PRKN: variants seen among roughly 807,000 people sequenced by gnomAD.
PRKN encodes the protein parkin RBR E3 ubiquitin protein ligase, also known as E3 ubiquitin-protein ligase parkin.
PRKN carries 56 observed loss-of-function variants against 59.5 expected under a neutral mutation model. The observed-to-expected ratio is 0.94, with a 90% confidence interval of 0.76 to 1.18. The LOEUF (loss-of-function observed/expected upper bound fraction) is 1.18, where lower values mean the gene tolerates loss of function less well. PRKN is among the 50% of genes most tolerant of loss of function. The pLI is 0.00. For missense variants in PRKN, 657 were observed against 596.4 expected, an observed-to-expected ratio of 1.10 and a Z score of -1.06; for synonymous variants, 250 against 222.1, an observed-to-expected ratio of 1.13 and a Z score of -1.12.
chr6:161,359,586 AG>A lies in PRKN; in HGVS notation c.1285+501del, dbSNP rs1391889955. On this transcript the variant is annotated intron_variant, in intron 11 of 11. Coordinates refer to ENST00000366898, the MANE Select transcript of PRKN (RefSeq NM_004562.3). The surrounding 1 kb of genome is among the most constrained non-coding windows in gnomAD (Gnocchi z 5.4). Reference sequence around the variant, plus strand: ...GAGTGGCATGTCCAGGATAGACAGCAGGAAGTCCCCCACTGGTACTGTGAGT... The same window carrying A: ...GAGTGGCATGTCCAGGATAGACAGCAGAAGTCCCCCACTGGTACTGTGAGT... Among the ~76,000 whole-genome samples, 3 of 152,260 alleles carry A rather than the reference AG, an allele frequency of 2.0e-5. No individual in the cohort carries two copies. Among genetic ancestry groups the A allele is most frequent in the African/African-American group, 7.2e-5 (3 of 41,472 alleles).
intron 5 of PRKN, among the ~76,000 whole-genome samples, chr6:161,976,101 C>T (rs1310622912): frequency 6.6e-6 from 1 of 152,046 alleles, no homozygotes; most frequent in Non-Finnish European, 1.5e-5. Flanking sequence ...GATGGGGTTT[C>T]ACCGTGTTGG....
chr6:162,149,747 G>A (rs921233725), intron 4 of PRKN, among the ~76,000 whole-genome samples: 6 of 152,192 alleles, frequency 3.9e-5, no homozygotes, highest in South Asian at 2.1e-4. Context: ...CTAGGAATGC[G>A]CAACTGTCTA....
chr6:161,668,216 G>GA lies in PRKN; in HGVS notation c.872-98801dup, dbSNP rs550892934. Among the ~76,000 whole-genome samples, 732 of 103,610 alleles carry GA rather than the reference G, an allele frequency of 7.1e-3. 8 individuals are homozygous for GA. Among genetic ancestry groups the GA allele is most frequent in the African/African-American group, 0.025 (691 of 27,152 alleles). 68.0% of individuals were successfully genotyped at this position (103,610 alleles called of 152,430 possible). ...TTTTCTGTTAGAGACCTTTAGCCCA[G>GA]AAAAAACTCCCATTAAAAAAAAAAA... On this transcript the variant is annotated intron_variant, in intron 7 of 11. Coordinates refer to ENST00000366898, the MANE Select transcript of PRKN (RefSeq NM_004562.3).
intron 1 of PRKN, among the ~76,000 whole-genome samples, chr6:162,687,265 A>C (rs1450298290): frequency 6.7e-6 from 1 of 149,936 alleles, no homozygotes; most frequent in Non-Finnish European, 1.5e-5. Context: ...AGCTCACTGC[A>C]AGCTCTGCCT....
chr6:162,415,594 T>A, intron 2 of PRKN, among the ~76,000 whole-genome samples: 1 of 151,992 alleles, frequency 6.6e-6, no homozygotes, highest in East Asian at 1.9e-4. Flanking sequence ...GTGAAGCGGG[T>A]AGGTCACAAG....
At chr6:162,631,499 A>T (rs1004701673) in intron 1 of PRKN, among the ~76,000 whole-genome samples, 1 of 152,054 alleles carries the variant, frequency 6.6e-6, no homozygotes, top group Non-Finnish European at 1.5e-5. Context: ...TCTTTTGTGA[A>T]GTGCCTGTTC....
chr6:162,105,790 A>G (rs1443799102), intron 4 of PRKN, among the ~76,000 whole-genome samples: 1 of 152,258 alleles, frequency 6.6e-6, no homozygotes, highest in East Asian at 1.9e-4. Flanking sequence ...TAGAGCAGTA[A>G]AAGAAAGGCA....
At chr6:161,496,634 A>G (rs150656957) in intron 9 of PRKN, among the ~76,000 whole-genome samples, 113 of 152,326 alleles carry the variant, frequency 7.4e-4, no homozygotes, top group African/African-American at 2.6e-3. Context: ...TGATTCAATT[A>G]TCTCCACCTG....
chr6:161,804,303 C>A (rs1441036620), intron 6 of PRKN, among the ~76,000 whole-genome samples: 9 of 152,168 alleles, frequency 5.9e-5, no homozygotes, highest in Non-Finnish European at 1.3e-4. Context: ...CTATGAGGCT[C>A]TGGTGATGAG....
At chr6:161,651,571 C>T (rs1208019125) in intron 7 of PRKN, among the ~76,000 whole-genome samples, 1 of 152,150 alleles carries the variant, frequency 6.6e-6, no homozygotes, top group Non-Finnish European at 1.5e-5. Context: ...TCTCATCTCT[C>T]CAGGGGCTGT....
chr6:161,703,194 C>T (rs1381035808), intron 7 of PRKN, among the ~76,000 whole-genome samples: 7 of 152,046 alleles, frequency 4.6e-5, no homozygotes, highest in Non-Finnish European at 5.9e-5. Flanking sequence ...ATTCTAGTTA[C>T]ATGGGAGGCT....
chr6:162,404,927 C>A, intron 2 of PRKN, among the ~76,000 whole-genome samples: 1 of 152,312 alleles, frequency 6.6e-6, no homozygotes, highest in South Asian at 2.1e-4. Flanking sequence ...TAGAATCCAA[C>A]GCTTGCCTTC....
At chr6:161,874,816 G>GTATAATATATAAAATA (rs1189923358) in intron 6 of PRKN, among the ~76,000 whole-genome samples, 1 of 93,560 alleles carries the variant, frequency 1.1e-5, no homozygotes, top group Non-Finnish European at 1.8e-5. Flanking sequence ...TATATAAAAT[G>GTATAATATATAAAATA]TATAATATAT....
intron 5 of PRKN, among the ~76,000 whole-genome samples, chr6:161,989,814 C>G (rs1781575041): frequency 6.6e-6 from 1 of 152,090 alleles, no homozygotes; most frequent in African/African-American, 2.4e-5. Flanking sequence ...GACTGTGGGA[C>G]TGGGGAACGA....
At chr6:162,448,424 G>C (rs565254751) in intron 1 of PRKN, among the ~76,000 whole-genome samples, 8 of 152,098 alleles carry the variant, frequency 5.3e-5, no homozygotes, top group African/African-American at 1.9e-4. Flanking sequence ...TCTTCCGTGA[G>C]CCAACACTTG....
At position 161,395,694 on chromosome 6, in the gene PRKN, T is replaced by A. The variant is rs1562418771; in HGVS notation, c.1084-8817A>T. ...CTTTTGCTAAGACCTTCTTTATACA[T>A]GTTTTGTCACCACAGAGTTGTGTTC... On this transcript the variant is annotated intron_variant, in intron 9 of 11. Transcript: ENST00000366898. The surrounding 1 kb of genome is among the most constrained non-coding windows in gnomAD (Gnocchi z 5.0). Among the ~76,000 whole-genome samples, 1 of 152,200 alleles carries A rather than the reference T, an allele frequency of 6.6e-6. No homozygotes were observed. The highest frequency in any genetic ancestry group is 2.4e-5 in the African/African-American group (1 of 41,426).
chr6:162,218,460 C>T (rs1460040857), intron 3 of PRKN, among the ~76,000 whole-genome samples: 3 of 152,118 alleles, frequency 2.0e-5, no homozygotes, highest in Non-Finnish European at 4.4e-5. Context: ...GCATGGCAGC[C>T]GGGGCTGGAA....
chr6:162,702,516 C>A (rs933011314), intron 1 of PRKN, among the ~76,000 whole-genome samples: 33 of 152,272 alleles, frequency 2.2e-4, no homozygotes, highest in African/African-American at 7.7e-4. Flanking sequence ...CTTGATTCTG[C>A]AAACAGCAGA....
At chr6:161,570,176 TACAC>T (rs1005666539) in intron 7 of PRKN, among the ~76,000 whole-genome samples, 8 of 118,880 alleles carry the variant, frequency 6.7e-5, no homozygotes, top group African/African-American at 9.5e-5. Context: ...TATGCACACA[TACAC>T]ACACAATTAA....
Sources: gnomAD v4.1 joint callset for allele counts (sites outside exome capture counted in the v4.1 genomes callset) on GRCh38, gnomAD v4.1.1 for gene constraint, Gnocchi (gnomAD v3.1) non-coding constraint, MANE v1.5 for transcripts, NCBI Gene and HGNC (gene_info 2026-07-23, HGNC 2026-07-21) for gene names.